CAMTA1: variants seen among roughly 807,000 people sequenced by gnomAD.
CAMTA1 encodes calmodulin binding transcription activator 1.
CAMTA1 carries 27 observed loss-of-function variants against 170.9 expected under a neutral mutation model. The observed-to-expected ratio is 0.16, with a 90% CI of 0.12 to 0.22. CAMTA1 has a LOEUF of 0.22. Ranked by LOEUF, CAMTA1 falls within the 10% of genes least tolerant of loss-of-function variation. The probability of loss-of-function intolerance (pLI) is 1.00; values close to 1 mark genes in which losing one functional copy is unlikely to be tolerated. For missense variants in CAMTA1, 1,619 were observed against 2,217.2 expected, an observed-to-expected ratio of 0.73 and a Z score of 5.42; for synonymous variants, 833 against 891.5, an observed-to-expected ratio of 0.93 and a Z score of 1.17.
chr1:7,467,911 T>C lies in CAMTA1; in HGVS notation c.510+10T>C, dbSNP rs1434831365. 1 of 1,609,444 alleles carries C rather than the reference T, an allele frequency of 6.2e-7. No individual in the cohort carries two copies. Among genetic ancestry groups the C allele is most frequent in the South Asian group, 1.1e-5 (1 of 90,974 alleles). Reference sequence around the variant, plus strand: ...CTACTGGCTCCTTCAGGTAGGTGGCTGGGACTGGATTCTTCTTCTGTCTCT... The same window carrying C: ...CTACTGGCTCCTTCAGGTAGGTGGCCGGGACTGGATTCTTCTTCTGTCTCT... On this transcript the variant is annotated intron_variant, in intron 6 of 22. Transcript: ENST00000303635.
chr1:7,645,100 G>C (rs1314026775), intron 7 of CAMTA1, among the ~76,000 whole-genome samples: 3 of 152,228 alleles, frequency 2.0e-5, no homozygotes, highest in Non-Finnish European at 4.4e-5. Flanking sequence ...CCCATAGTGT[G>C]AGTGAGGAGC....
At chr1:7,270,843 A>C (rs1254186746) in intron 5 of CAMTA1, among the ~76,000 whole-genome samples, 1 of 152,220 alleles carries the variant, frequency 6.6e-6, no homozygotes, top group Admixed American at 6.5e-5. Context: ...GTAAGTAAAT[A>C]TAAGATACTT....
chr1:7,443,643 A>G lies in CAMTA1; in HGVS notation c.439-24187A>G, dbSNP rs1164208851. ...AGCAGAGATGATTGCAGTGCCCTAT[A>G]GTGCACCGTTGGGGTAGAGGGAGGC... On this transcript the variant is annotated intron_variant, in intron 5 of 22. Transcript: ENST00000303635. This position sits in a 1 kb window ranked among gnomAD's most constrained non-coding sequence, Gnocchi z 4.1. Among the ~76,000 whole-genome samples the G allele has an allele frequency of 6.6e-6, 1 of 152,032 alleles. No homozygotes were observed. Among genetic ancestry groups the G allele is most frequent in the Non-Finnish European group, 1.5e-5 (1 of 68,012 alleles).
intron 5 of CAMTA1, among the ~76,000 whole-genome samples, chr1:7,398,863 A>C (rs1398886983): frequency 6.6e-6 from 1 of 152,134 alleles, no homozygotes; most frequent in Non-Finnish European, 1.5e-5. Context: ...TTAGAGTTAT[A>C]GTATACTATT....
At chr1:7,612,092 T>C (rs1047452024) in intron 6 of CAMTA1, among the ~76,000 whole-genome samples, 3 of 152,164 alleles carry the variant, frequency 2.0e-5, no homozygotes, top group African/African-American at 7.2e-5. Flanking sequence ...GACAGCTAAG[T>C]GTTAAACCAG....
At chr1:7,397,918 A>G (rs927009115) in intron 5 of CAMTA1, among the ~76,000 whole-genome samples, 1 of 151,866 alleles carries the variant, frequency 6.6e-6, no homozygotes, top group African/African-American at 2.4e-5. Flanking sequence ...CCTATCTTGG[A>G]GAAAGTGCCA....
At chr1:7,708,911 A>G (rs115357381) in intron 11 of CAMTA1, among the ~76,000 whole-genome samples, 2,344 of 152,262 alleles carry the variant, frequency 0.015, 56 homozygotes, top group African/African-American at 0.053. Flanking sequence ...TTAAACTAAT[A>G]TTTATCAACT....
Position 7,245,178 on chromosome 1 carries a change from G to GAT in CAMTA1, c.303-4300_303-4299dup, listed in dbSNP as rs58458840. Among the ~76,000 whole-genome samples the GAT allele has an allele frequency of 2.0e-4, 30 of 148,558 alleles. 1 individual carries two copies. Among genetic ancestry groups the GAT allele is most frequent in the Admixed American group, 1.0e-3 (15 of 14,934 alleles). On this transcript the variant is annotated intron_variant, in intron 4 of 22. Transcript: ENST00000303635. ...GTTTATATTTTAATTATTTAGCCAA[G>GAT]ATATATATATATATGTGTGTGTGTA...
chr1:7,341,364 C>A (rs1159297399), intron 5 of CAMTA1, among the ~76,000 whole-genome samples: 2 of 152,218 alleles, frequency 1.3e-5, no homozygotes, highest in Non-Finnish European at 2.9e-5. Flanking sequence ...AGGTGACCAG[C>A]CTGTGCAGCC....
chr1:7,704,019 C>T (rs2096473583), intron 11 of CAMTA1, among the ~76,000 whole-genome samples: 1 of 151,964 alleles, frequency 6.6e-6, no homozygotes, highest in African/African-American at 2.4e-5. Context: ...GGAGCCGCCG[C>T]CACCGTCCCC....
chr1:7,575,014 T>C lies in CAMTA1; in HGVS notation c.511-65386T>C, dbSNP rs555388976. Among the ~76,000 whole-genome samples, 6 of 152,364 alleles carry C rather than the reference T, an allele frequency of 3.9e-5. No individual in the cohort carries two copies. In the South Asian group the frequency reaches 8.3e-4, roughly 21 times the overall value. On this transcript the variant is annotated intron_variant, in intron 6 of 22. Coordinates refer to ENST00000303635, the MANE Select transcript of CAMTA1 (RefSeq NM_015215.4). Reference sequence around the variant, plus strand: ...GGGCTGCTGCTTCATGCACATTCCCTGCCTCTGACGCAGCAGGATTCTGCT... The same window carrying C: ...GGGCTGCTGCTTCATGCACATTCCCCGCCTCTGACGCAGCAGGATTCTGCT...
intron 5 of CAMTA1, among the ~76,000 whole-genome samples, chr1:7,448,613 C>A (rs2092737220): frequency 6.6e-6 from 1 of 152,208 alleles, no homozygotes; most frequent in Non-Finnish European, 1.5e-5. Flanking sequence ...GGCTGGAAGT[C>A]CAAGATCAAG....
chr1:7,708,894 CATTAT>C (rs773503881), intron 11 of CAMTA1, among the ~76,000 whole-genome samples: 12 of 152,222 alleles, frequency 7.9e-5, no homozygotes, highest in Non-Finnish European at 1.5e-4. Flanking sequence ...TAAATTTCTC[CATTAT>C]ATTAAACTAA....
chr1:7,579,811 C>T (rs1265791783), intron 6 of CAMTA1, among the ~76,000 whole-genome samples: 1 of 152,154 alleles, frequency 6.6e-6, no homozygotes, highest in Non-Finnish European at 1.5e-5. Context: ...CCACCAGCCT[C>T]GGCTTCCCCA....
intron 5 of CAMTA1, among the ~76,000 whole-genome samples, chr1:7,303,845 A>G (rs904308091): frequency 1.4e-4 from 22 of 152,330 alleles, no homozygotes; most frequent in Middle Eastern, 3.4e-3. Context: ...CAGGAGCCCT[A>G]TTGAAATCTG....
chr1:7,529,989 T>C (rs2094472644), intron 6 of CAMTA1, among the ~76,000 whole-genome samples: 1 of 152,158 alleles, frequency 6.6e-6, no homozygotes, highest in Non-Finnish European at 1.5e-5. Context: ...CCCAGCATGC[T>C]CCCCTGCCAC....
chr1:7,568,429 A>C (rs960442235), intron 6 of CAMTA1, among the ~76,000 whole-genome samples: 5 of 150,458 alleles, frequency 3.3e-5, no homozygotes, highest in Non-Finnish European at 3.0e-5. Context: ...TCATCACCAC[A>C]TCACCATCAA....
At chr1:7,358,810 G>T (rs2085328475) in intron 5 of CAMTA1, among the ~76,000 whole-genome samples, 1 of 152,144 alleles carries the variant, frequency 6.6e-6, no homozygotes, top group South Asian at 2.1e-4. Context: ...TGTTAATGGG[G>T]CTCCTTGCTG....
Position 7,455,566 on chromosome 1 carries a change from C to G in CAMTA1, c.439-12264C>G, listed in dbSNP as rs550608503. On this transcript the variant is annotated intron_variant, in intron 5 of 22. Transcript: ENST00000303635. This position sits in a 1 kb window ranked among gnomAD's most constrained non-coding sequence, Gnocchi z 5.0. Reference sequence around the variant, plus strand: ...CCTCCACCTGCTTCATAAGCAAAACCCTGTTGTCCGTTTTAAGCAAGAATC... The same window carrying G: ...CCTCCACCTGCTTCATAAGCAAAACGCTGTTGTCCGTTTTAAGCAAGAATC... Among the ~76,000 whole-genome samples, 4 of 152,330 alleles carry G rather than the reference C, an allele frequency of 2.6e-5. No homozygotes were observed. In the East Asian group the frequency reaches 7.7e-4, roughly 29 times the overall value.
Sources: gnomAD v4.1 joint callset for allele counts (sites outside exome capture counted in the v4.1 genomes callset) on GRCh38, gnomAD v4.1.1 for gene constraint, Gnocchi (gnomAD v3.1) non-coding constraint, MANE v1.5 for transcripts, NCBI Gene and HGNC (gene_info 2026-07-23, HGNC 2026-07-21) for gene names.